TMEM163: variants seen among roughly 807,000 people sequenced by gnomAD.
TMEM163 encodes the protein transmembrane protein 163.
In TMEM163, 17 loss-of-function variants were observed where a neutral mutation model predicts 29.3. That is an observed-to-expected ratio of 0.58 (90% CI 0.40 to 0.87). TMEM163 has a LOEUF of 0.87. Among genes scored for constraint, TMEM163 ranks in the 40% least tolerant of loss-of-function variants. TMEM163 has a pLI of 0.00. For missense variants in TMEM163, 303 were observed against 381.5 expected, an observed-to-expected ratio of 0.79 and a Z score of 1.71; for synonymous variants, 157 against 160.6, an observed-to-expected ratio of 0.98 and a Z score of 0.17.
At chr2:134,478,230 T>C (rs1686964209) in intron 5 of TMEM163, among the ~76,000 whole-genome samples, 1 of 152,060 alleles carries the variant, frequency 6.6e-6, no homozygotes, top group Non-Finnish European at 1.5e-5. Flanking sequence ...CTGTTTTCTT[T>C]ATAAATTACC....
chr2:134,481,581 A>C (rs1167301141), intron 5 of TMEM163, among the ~76,000 whole-genome samples: 2 of 152,146 alleles, frequency 1.3e-5, no homozygotes, highest in African/African-American at 2.4e-5. Flanking sequence ...TTTCCTTGTA[A>C]ATTACCCAGT....
intron 4 of TMEM163, among the ~76,000 whole-genome samples, chr2:134,505,843 G>T (rs1553475312): frequency 6.6e-6 from 1 of 152,152 alleles, no homozygotes; most frequent in Non-Finnish European, 1.5e-5. Context: ...GTAATTTATT[G>T]CTTACTTATC....
At chr2:134,524,876 T>C (rs183415485) in intron 4 of TMEM163, among the ~76,000 whole-genome samples, 1 of 150,456 alleles carries the variant, frequency 6.6e-6, no homozygotes, top group Non-Finnish European at 1.5e-5. Flanking sequence ...TTTCTTTGGG[T>C]ATATACCCAG....
intron 4 of TMEM163, among the ~76,000 whole-genome samples, chr2:134,519,595 G>T (rs900011021): frequency 6.6e-6 from 1 of 151,866 alleles, no homozygotes; most frequent in Non-Finnish European, 1.5e-5. Flanking sequence ...GCCTGTAGTC[G>T]CAGCTACTCG....
At chr2:134,521,084 C>T (rs953946966) in intron 4 of TMEM163, among the ~76,000 whole-genome samples, 2 of 151,936 alleles carry the variant, frequency 1.3e-5, no homozygotes, top group Non-Finnish European at 2.9e-5. Context: ...CTGCAACCTC[C>T]ACCTCCCAAG....
At chr2:134,516,009 C>T (rs988593793) in intron 4 of TMEM163, among the ~76,000 whole-genome samples, 16 of 152,140 alleles carry the variant, frequency 1.1e-4, no homozygotes, top group Admixed American at 5.9e-4. Flanking sequence ...GCACGTACTA[C>T]GTGTCCTGCA....
rs150136338 is a variant in TMEM163 at position 134,496,552 on chromosome 2, G to A, written c.555+6349C>T. Among the ~76,000 whole-genome samples the A allele has an allele frequency of 8.5e-4, 130 of 152,214 alleles. No individual in the cohort carries two copies. The East Asian group carries it at 0.023, about 27-fold the overall frequency. ...ACCAGTGAACAGAGATGGCCACCTC[G>A]CCAGAGCCACAATCCATGGGGACTG... On this transcript the variant is annotated intron_variant, in intron 5 of 7. Coordinates refer to ENST00000281924, the MANE Select transcript of TMEM163 (RefSeq NM_030923.5).
At chr2:134,500,210 T>C (rs549167573) in intron 5 of TMEM163, among the ~76,000 whole-genome samples, 2 of 152,322 alleles carry the variant, frequency 1.3e-5, no homozygotes, top group South Asian at 4.1e-4. Flanking sequence ...AGCATTTGAG[T>C]TTGACTCCTA....
At chr2:134,527,753 T>G (rs1680328489) in intron 4 of TMEM163, among the ~76,000 whole-genome samples, 1 of 152,220 alleles carries the variant, frequency 6.6e-6, no homozygotes, top group East Asian at 1.9e-4. Flanking sequence ...CATAAATAAA[T>G]CACTGTAACA....
intron 2 of TMEM163, among the ~76,000 whole-genome samples, chr2:134,696,840 A>G (rs1184013786): frequency 1.3e-5 from 2 of 152,044 alleles, no homozygotes; most frequent in Non-Finnish European, 2.9e-5. Context: ...CAGTGGCATG[A>G]TCTCAGCTTA....
chr2:134,554,502 C>T (rs2104772814), intron 2 of TMEM163, among the ~76,000 whole-genome samples: 1 of 151,578 alleles, frequency 6.6e-6, no homozygotes, highest in South Asian at 2.1e-4. Context: ...ACCTGTGCTC[C>T]TAGGGCTGAG....
intron 2 of TMEM163, among the ~76,000 whole-genome samples, chr2:134,651,945 T>C (rs1482620186): frequency 8.8e-6 from 1 of 113,136 alleles, no homozygotes; most frequent in Non-Finnish European, 1.7e-5. Context: ...TTGGTTACTG[T>C]AGCCTTGTAG....
chr2:134,598,276 T>C (rs1682137055), intron 2 of TMEM163, among the ~76,000 whole-genome samples: 1 of 152,212 alleles, frequency 6.6e-6, no homozygotes, highest in Admixed American at 6.5e-5. Flanking sequence ...AGCCAAGAAA[T>C]GGTGTCACCT....
chr2:134,546,169 G>A (rs1322697639), intron 4 of TMEM163, among the ~76,000 whole-genome samples: 1 of 152,136 alleles, frequency 6.6e-6, no homozygotes, highest in African/African-American at 2.4e-5. Flanking sequence ...AATTTTAAAA[G>A]AGAACTGCCA....
chr2:134,500,773 G>T (rs766752761), intron 5 of TMEM163, among the ~76,000 whole-genome samples: 10 of 152,168 alleles, frequency 6.6e-5, no homozygotes, highest in Non-Finnish European at 1.3e-4. Flanking sequence ...ATTAGAAAGA[G>T]GTGATTGTGT....
chr2:134,504,740 C>T (rs540252253), intron 4 of TMEM163, among the ~76,000 whole-genome samples: 1 of 152,310 alleles, frequency 6.6e-6, no homozygotes, highest in East Asian at 1.9e-4. Context: ...GCAGAAGAGA[C>T]AATTCAGGCA....
At chr2:134,502,135 G>A (rs987449814) in intron 5 of TMEM163, among the ~76,000 whole-genome samples, 20 of 152,098 alleles carry the variant, frequency 1.3e-4, no homozygotes, top group African/African-American at 2.7e-4. Context: ...TAATCATTTT[G>A]GTCTTATATC....
chr2:134,673,521 A>G (rs1684039825), intron 2 of TMEM163, among the ~76,000 whole-genome samples: 1 of 152,206 alleles, frequency 6.6e-6, no homozygotes, highest in African/African-American at 2.4e-5. Context: ...ATTGCCTTAC[A>G]AGGCAAAAAG....
intron 5 of TMEM163, among the ~76,000 whole-genome samples, chr2:134,501,199 G>A (rs1372779088): frequency 6.6e-6 from 1 of 152,190 alleles, no homozygotes; most frequent in African/African-American, 2.4e-5. Flanking sequence ...GATGGTATGG[G>A]TTCTGTAAGG....
Sources: allele counts gnomAD v4.1 joint callset (sites outside exome capture counted in the v4.1 genomes callset), GRCh38; gene constraint gnomAD v4.1.1; transcripts MANE v1.5; gene names NCBI Gene and HGNC (gene_info 2026-07-23, HGNC 2026-07-21).